KCNQ1: variants seen among roughly 807,000 people sequenced by gnomAD.
KCNQ1 encodes the protein potassium voltage-gated channel subfamily KQT member 1.
KCNQ1 carries 49 observed loss-of-function variants against 72.4 expected under a neutral mutation model. The ratio of observed to expected loss-of-function variants is 0.68; its 90% CI spans 0.54 to 0.86. The LOEUF (loss-of-function observed/expected upper bound fraction) is 0.86. Ranked by LOEUF, KCNQ1 falls within the 40% of genes least tolerant of loss-of-function variation. KCNQ1 has a pLI of 0.00. For synonymous variants in KCNQ1, 450 were observed against 412.6 expected, an observed-to-expected ratio of 1.09 and a Z score of -1.10; for missense variants, 790 against 945.1, an observed-to-expected ratio of 0.84 and a Z score of 2.15.
chr11:2,716,207 A>G (rs1358940392), intron 11 of KCNQ1, among the ~76,000 whole-genome samples: 1 of 152,188 alleles, frequency 6.6e-6, no homozygotes, highest in Non-Finnish European at 1.5e-5. Flanking sequence ...CCCCAAAGCA[A>G]CATGTACCCT....
chr11:2,685,110 G>A (rs921942080), intron 11 of KCNQ1: 12 of 398,494 alleles, frequency 3.0e-5, no homozygotes, highest in African/African-American at 8.2e-5. Context: ...CTTTTGGCAC[G>A]GGGGGTCTGA....
At position 2,664,887 on chromosome 11, in the gene KCNQ1, GAC is replaced by G. The variant is rs1850036174; in HGVS notation, c.1514+2810_1514+2811del. 1 of 398,630 alleles carries G rather than the reference GAC, an allele frequency of 2.5e-6. No homozygotes were observed. The highest frequency in any genetic ancestry group is 2.1e-5 in the African/African-American group (1 of 48,740). The allele number at this position is 398,630 out of a possible 1,614,324, so 24.7% of individuals were successfully genotyped here. On this transcript the variant is annotated intron_variant, in intron 11 of 15. Transcript: ENST00000155840. This position sits in a 1 kb window ranked among gnomAD's most constrained non-coding sequence, Gnocchi z 5.1. ...AATTCAAATTAAAAACATAAATAAA[GAC>G]ACATTTTGTTTCCATCTCGAGCTCT... is the stretch of plus-strand genomic sequence containing the variant.
In KCNQ1 at chr11:2,624,117, G is replaced by A. The variant is rs1409680193; in HGVS notation, c.1393+35263G>A. 5.0e-6 allele frequency: 2 copies of A among 398,342 alleles called. No individual in the cohort carries two copies. The highest frequency in any genetic ancestry group is 8.8e-6 in the Non-Finnish European group (2 of 226,028). The allele number at this position is 398,342 out of a possible 1,614,324, so 24.7% of individuals were successfully genotyped here. Reference sequence around the variant, plus strand: ...TTTTGAATTTTGGCCATTCTAATAAGCGTGTAGATATATCACATTTCTTGT... The same window carrying A: ...TTTTGAATTTTGGCCATTCTAATAAACGTGTAGATATATCACATTTCTTGT... On this transcript the variant is annotated intron_variant, in intron 10 of 15. Transcript: ENST00000155840. The surrounding 1 kb of genome is among the most constrained non-coding windows in gnomAD (Gnocchi z 4.9).
intron 11 of KCNQ1, chr11:2,666,411 C>T (rs1439099541): frequency 2.5e-6 from 1 of 398,542 alleles, no homozygotes; most frequent in Non-Finnish European, 4.4e-6. Flanking sequence ...AAAAACAGCC[C>T]CGTGTGCGTT....
chr11:2,606,105 G>A lies in KCNQ1; in HGVS notation c.1393+17251G>A, dbSNP rs562896697. ...TAGTTATGTGGCATTAGGTAAATTC[G>A]CACTGTTGTGCTTTATTCTTTTTTG... On this transcript the variant is annotated intron_variant, in intron 10 of 15. Transcript: ENST00000155840. Among the ~76,000 whole-genome samples, 6 of 152,086 alleles carry A rather than the reference G, an allele frequency of 3.9e-5. No individual in the cohort carries two copies. In the East Asian group the frequency reaches 5.8e-4, roughly 15 times the overall value.
intron 10 of KCNQ1, chr11:2,648,202 C>T: frequency 8.0e-6 from 1 of 125,712 alleles, no homozygotes; most frequent in Non-Finnish European, 1.5e-5. Context: ...GAGACCGTGT[C>T]TCGGGGGGTG....
chr11:2,583,498 G>T lies in KCNQ1; in HGVS notation c.985G>T (p.Ala329Ser). 2 of 1,614,014 alleles carry T rather than the reference G, an allele frequency of 1.2e-6. No homozygotes were observed. The highest frequency in any genetic ancestry group is 1.7e-6 in the Non-Finnish European group (2 of 1,179,940). ...CCAGACGTGGGTCGGGAAGACCATC[G>T]CCTCCTGCTTCTCTGTCTTTGCCAT... ...VPQTWVGKTI[A>S]SCFSVFAISF... Residue 329 changes from alanine to serine, a missense_variant, in exon 7 of 16, where the codon GCC (alanine) becomes TCC (serine). By Grantham distance (99) the Ala-to-Ser change is moderately conservative. Coordinates refer to ENST00000155840, the MANE Select transcript of KCNQ1 (RefSeq NM_000218.3).
rs1001594617 is a variant in KCNQ1 at position 2,654,470 on chromosome 11, GC to G, written c.1394-7488del. On this transcript the variant is annotated intron_variant, in intron 10 of 15. Transcript: ENST00000155840. This position sits in a 1 kb window ranked among gnomAD's most constrained non-coding sequence, Gnocchi z 6.4. ...CGTGCTGAGCGCCAGGCACACATAA[GC>G]CCTGCAGCCGTACAGGGGAGGGGGC... 2.8e-5 allele frequency: 11 copies of G among 398,630 alleles called. No individual in the cohort carries two copies. The highest frequency in any genetic ancestry group is 4.9e-5 in the Non-Finnish European group (11 of 226,198). The allele number at this position is 398,630 out of a possible 1,614,324, so 24.7% of individuals were successfully genotyped here.
At chr11:2,681,722 A>C in intron 11 of KCNQ1, 1 of 393,008 alleles carries the variant, frequency 2.5e-6, no homozygotes, top group Non-Finnish European at 4.4e-6. Context: ...TCCTCTATTC[A>C]GTATTGTGGG....
chr11:2,747,978 G>A (rs1186142041), intron 11 of KCNQ1, among the ~76,000 whole-genome samples: 1 of 152,142 alleles, frequency 6.6e-6, no homozygotes, highest in African/African-American at 2.4e-5. Context: ...ACCAGAACCG[G>A]CTGCTTCCAC....
chr11:2,840,699 C>G (rs751776936), intron 15 of KCNQ1, among the ~76,000 whole-genome samples: 3 of 152,150 alleles, frequency 2.0e-5, no homozygotes, highest in Non-Finnish European at 2.9e-5. Flanking sequence ...ATACACGAGA[C>G]AAATAGCACA....
At chr11:2,570,568 G>T in intron 2 of KCNQ1, 60 bp from the exon 3 acceptor site, 1 of 1,603,406 alleles carries the variant, frequency 6.2e-7, no homozygotes. Flanking sequence ...CAGGTTGCAG[G>T]GTCTGAAGCC....
At position 2,768,322 on chromosome 11, in the gene KCNQ1, C is replaced by G. The variant is rs1298721090; in HGVS notation, c.1515-522C>G. The stretch of plus-strand genomic sequence containing the variant: ...ACTTTAGGAGGCAAAAACAGCGCAG[C>G]CCCCTTAACAGAGTGGCTCTGGTGG... On this transcript the variant is annotated intron_variant, in intron 11 of 15. Transcript: ENST00000155840. The surrounding 1 kb of genome is among the most constrained non-coding windows in gnomAD (Gnocchi z 6.7). 2.0e-5 allele frequency among the ~76,000 whole-genome samples: 3 copies of G among 152,218 alleles called. No homozygotes were observed. The highest frequency in any genetic ancestry group is 4.4e-5 in the Non-Finnish European group (3 of 68,038).
Position 2,657,221 on chromosome 11 carries a change from G to A in KCNQ1, c.1394-4740G>A, listed in dbSNP as rs1247399749. 22 of 398,448 alleles carry A rather than the reference G, an allele frequency of 5.5e-5. No homozygotes were observed. Among genetic ancestry groups the A allele is most frequent in the Non-Finnish European group, 9.3e-5 (21 of 226,068 alleles). The allele number at this position is 398,448 out of a possible 1,614,324, so 24.7% of individuals were successfully genotyped here. On this transcript the variant is annotated intron_variant, in intron 10 of 15. Transcript: ENST00000155840. The surrounding 1 kb of genome is among the most constrained non-coding windows in gnomAD (Gnocchi z 4.8). ...TCTTGGCTTTTTGCACTTCCAAGTCGCAGTTAGAATCAGCTTGCCAAAGTT... is the reference window on the plus strand; with the variant it reads ...TCTTGGCTTTTTGCACTTCCAAGTCACAGTTAGAATCAGCTTGCCAAAGTT...
In KCNQ1 at chr11:2,450,176, T is replaced by G. The variant is rs933615256; in HGVS notation, c.386+4692T>G. On this transcript the variant is annotated intron_variant, in intron 1 of 15. Transcript: ENST00000155840. The surrounding 1 kb of genome is among the most constrained non-coding windows in gnomAD (Gnocchi z 7.9). ...GCGATATCTTGCTGTGATTCAAGAC[T>G]CTGTCCACGGGCAAGAACAACAAGG... 6.6e-6 allele frequency among the ~76,000 whole-genome samples: 1 copy of G among 152,162 alleles called. No homozygotes were observed. The highest frequency in any genetic ancestry group is 1.5e-5 in the Non-Finnish European group (1 of 68,008).
rs182123928 is a variant in KCNQ1, at chr11:2,720,686, C to T, written c.1515-48158C>T. ...GAAACGGAAACAGCATTAGCCACCA[C>T]CAGCCCCTTCCCCCTTTTGCAGGGC... On this transcript the variant is annotated intron_variant, in intron 11 of 15. Coordinates refer to ENST00000155840, the MANE Select transcript of KCNQ1 (RefSeq NM_000218.3). This position sits in a 1 kb window ranked among gnomAD's most constrained non-coding sequence, Gnocchi z 5.1. Among the ~76,000 whole-genome samples the T allele has an allele frequency of 8.5e-5, 13 of 152,340 alleles. No homozygotes were observed. Among genetic ancestry groups the T allele is most frequent in the Non-Finnish European group, 1.3e-4 (9 of 68,028 alleles).
In KCNQ1 at chr11:2,652,924, G is replaced by A. The variant is rs1849779607; in HGVS notation, c.1394-9037G>A. ...CTCAGTATCCTAAACTTAGGTTTTG[G>A]AAAGCCCAGCATCCTCCCTGGGACT... On this transcript the variant is annotated intron_variant, in intron 10 of 15. Transcript: ENST00000155840. This position sits in a 1 kb window ranked among gnomAD's most constrained non-coding sequence, Gnocchi z 5.9. The A allele has an allele frequency of 2.5e-6, 1 of 398,530 alleles. No homozygotes were observed. Among genetic ancestry groups the A allele is most frequent in the Non-Finnish European group, 4.4e-6 (1 of 226,112 alleles). The allele number at this position is 398,530 out of a possible 1,614,324, so 24.7% of individuals were successfully genotyped here. A position where few individuals can be genotyped will look rare whatever the true frequency, so the allele number is the denominator to read the frequency against.
rs1850011740 is a variant in KCNQ1, at chr11:2,663,735, G to A, written c.1514+1654G>A. On this transcript the variant is annotated intron_variant, in intron 11 of 15. Transcript: ENST00000155840. The surrounding 1 kb of genome is among the most constrained non-coding windows in gnomAD (Gnocchi z 5.2). ...TCTTGCAAGGCCCCTGCAGGTGAAG[G>A]TGGTGAGAGACCAGGCACTTATGTG... The A allele has an allele frequency of 2.5e-6, 1 of 398,626 alleles. No individual in the cohort carries two copies. The highest frequency in any genetic ancestry group is 1.3e-4 in the South Asian group (1 of 7,864). 24.7% of individuals were successfully genotyped at this position (398,626 alleles called of 1,614,324 possible).
In KCNQ1 at chr11:2,803,156, C is replaced by G. The variant is rs573360; in HGVS notation, c.1794+25119C>G. 1.2e-5 allele frequency among the ~76,000 whole-genome samples: 1 copy of G among 85,748 alleles called. No individual in the cohort carries two copies. The highest frequency in any genetic ancestry group is 2.7e-5 in the Non-Finnish European group (1 of 37,092). 56.3% of individuals were successfully genotyped at this position (85,748 alleles called of 152,430 possible). A position where few individuals can be genotyped will look rare whatever the true frequency, so the allele number is the denominator to read the frequency against. ...GGTAGCCCAGAAAACCCAGCCGGGC[C>G]CCCCCCCCCACGGGCACCCAGGAAC... On this transcript the variant is annotated intron_variant, in intron 15 of 15. Coordinates refer to ENST00000155840, the MANE Select transcript of KCNQ1 (RefSeq NM_000218.3). The surrounding 1 kb of genome is among the most constrained non-coding windows in gnomAD (Gnocchi z 6.4).
Sources: gnomAD v4.1 joint callset for allele counts (sites outside exome capture counted in the v4.1 genomes callset) on GRCh38, gnomAD v4.1.1 for gene constraint, Gnocchi (gnomAD v3.1) non-coding constraint, MANE v1.5 for transcripts, NCBI Gene and HGNC (gene_info 2026-07-23, HGNC 2026-07-21) for gene names.